The following NLGN1 variants were observed in gnomAD, a reference collection of about 807,000 sequenced individuals.
The protein encoded by NLGN1 is neuroligin-1.
In NLGN1, 12 loss-of-function variants were observed where a neutral mutation model predicts 65.5. The observed-to-expected ratio is 0.18, with a 90% CI of 0.12 to 0.30. The LOEUF is 0.30. NLGN1 is among the 10% of genes least tolerant of loss of function. The pLI is 1.00. For synonymous variants in NLGN1, 350 were observed against 359.5 expected, an observed-to-expected ratio of 0.97 and a Z score of 0.30; for missense variants, 750 against 1,007.1, an observed-to-expected ratio of 0.74 and a Z score of 3.46.
chr3:173,971,227 C>T (rs896496981), intron 4 of NLGN1, among the ~76,000 whole-genome samples: 4 of 151,978 alleles, frequency 2.6e-5, no homozygotes, highest in Non-Finnish European at 4.4e-5. Context: ...GAAAGATTTC[C>T]AGGAAATAAA....
intron 4 of NLGN1, among the ~76,000 whole-genome samples, chr3:174,197,233 T>C (rs898154127): frequency 2.0e-5 from 3 of 151,968 alleles, no homozygotes; most frequent in African/African-American, 7.3e-5. Context: ...TAAGGAGCAA[T>C]AGAAGACAAC....
intron 4 of NLGN1, among the ~76,000 whole-genome samples, chr3:174,193,862 A>G (rs1652743722): frequency 6.6e-6 from 1 of 152,192 alleles, no homozygotes; most frequent in Admixed American, 6.5e-5. Context: ...TTCATTACAA[A>G]TTCTTCTCTG....
chr3:173,623,566 G>A (rs563082352), intron 3 of NLGN1, among the ~76,000 whole-genome samples: 1 of 152,144 alleles, frequency 6.6e-6, no homozygotes, highest in South Asian at 2.1e-4. Context: ...CATTGAGATG[G>A]GAAAGAACAA....
intron 3 of NLGN1, among the ~76,000 whole-genome samples, chr3:173,732,611 T>C (rs1773029414): frequency 6.6e-6 from 1 of 152,062 alleles, no homozygotes; most frequent in African/African-American, 2.4e-5. Flanking sequence ...TTTATTTTAG[T>C]TTAGGTTAGT....
intron 2 of NLGN1, among the ~76,000 whole-genome samples, chr3:173,464,346 C>T (rs900558566): frequency 2.6e-5 from 4 of 152,104 alleles, no homozygotes; most frequent in African/African-American, 9.7e-5. Context: ...TACTACTTAA[C>T]TCCAAGTCTC....
intron 4 of NLGN1, among the ~76,000 whole-genome samples, chr3:174,098,922 A>T (rs1289059515): frequency 6.6e-6 from 1 of 152,234 alleles, no homozygotes; most frequent in African/African-American, 2.4e-5. Flanking sequence ...GAGCTTGTTT[A>T]TACATTTAAT....
intron 3 of NLGN1, among the ~76,000 whole-genome samples, chr3:173,761,174 A>C (rs900708749): frequency 5.9e-5 from 9 of 151,996 alleles, no homozygotes; most frequent in African/African-American, 2.2e-4. Context: ...GTTAGTGTGC[A>C]ATGACTTTCA....
chr3:173,499,404 A>G (rs1223215036), intron 2 of NLGN1, among the ~76,000 whole-genome samples: 1 of 151,622 alleles, frequency 6.6e-6, no homozygotes, highest in East Asian at 1.9e-4. Flanking sequence ...GTTCTGTTCC[A>G]TTGGTCTATA....
At chr3:173,453,278 T>C (rs1042938358) in intron 2 of NLGN1, among the ~76,000 whole-genome samples, 1 of 151,930 alleles carries the variant, frequency 6.6e-6, no homozygotes, top group African/African-American at 2.4e-5. Context: ...TGTGTGTGTT[T>C]TGTAGAGATG....
At chr3:174,064,361 ATAAT>A (rs758372079) in intron 4 of NLGN1, among the ~76,000 whole-genome samples, 8 of 152,098 alleles carry the variant, frequency 5.3e-5, no homozygotes, top group Non-Finnish European at 1.2e-4. Context: ...GAAAAGGAAA[ATAAT>A]TCGGAATATT....
In NLGN1 at chr3:174,201,556, G is replaced by A. The variant is rs957750612; in HGVS notation, c.647-73759G>A. Among the ~76,000 whole-genome samples, 57 of 152,306 alleles carry A rather than the reference G, an allele frequency of 3.7e-4. 1 individual carries two copies. Among genetic ancestry groups the A allele is most frequent in the East Asian group, 1.4e-3 (7 of 5,170 alleles). On this transcript the variant is annotated intron_variant, in intron 4 of 6. Coordinates refer to ENST00000457714, the Ensembl canonical transcript of NLGN1. Reference sequence around the variant, plus strand: ...CATCACCCCCTCTCAGCAATAGGCAGGTTACAAATTACAGCCTAGTGATCT... The same window carrying A: ...CATCACCCCCTCTCAGCAATAGGCAAGTTACAAATTACAGCCTAGTGATCT...
At chr3:173,423,989 C>T (rs1715625157) in intron 1 of NLGN1, among the ~76,000 whole-genome samples, 1 of 152,194 alleles carries the variant, frequency 6.6e-6, no homozygotes, top group Non-Finnish European at 1.5e-5. Flanking sequence ...GAAATCTAGG[C>T]AGAGGCTCCT....
At chr3:173,613,515 GT>G (rs1266449572) in intron 3 of NLGN1, among the ~76,000 whole-genome samples, 1 of 152,020 alleles carries the variant, frequency 6.6e-6, no homozygotes, top group Non-Finnish European at 1.5e-5. Context: ...AAATGATTCA[GT>G]TTTTTGATAT....
chr3:174,274,706 G>T (rs959178215), intron 4 of NLGN1, among the ~76,000 whole-genome samples: 2 of 151,708 alleles, frequency 1.3e-5, no homozygotes, highest in African/African-American at 4.8e-5. Context: ...CCTAAATGTG[G>T]CCTCAAGTCA....
intron 3 of NLGN1, among the ~76,000 whole-genome samples, chr3:173,749,032 G>A (rs553770990): frequency 3.3e-5 from 5 of 152,132 alleles, no homozygotes; most frequent in African/African-American, 1.2e-4. Context: ...TCAAATGCAT[G>A]CTTATGTCTC....
chr3:173,645,936 C>A (rs900909217), intron 3 of NLGN1, among the ~76,000 whole-genome samples: 14 of 152,162 alleles, frequency 9.2e-5, no homozygotes, highest in African/African-American at 2.7e-4. Flanking sequence ...ACAGTCTGAA[C>A]CCTGCCACAC....
rs908288260 is a variant in NLGN1, at chr3:173,644,564, G to C, written c.493+39473G>C. The C allele has an allele frequency of 6.0e-5, 10 of 165,482 alleles. 1 individual carries two copies. Among genetic ancestry groups the C allele is most frequent in the Admixed American group, 5.9e-4 (9 of 15,314 alleles). 10.3% of individuals were successfully genotyped at this position (165,482 alleles called of 1,614,324 possible). A position where few individuals can be genotyped will look rare whatever the true frequency, so the allele number is the denominator to read the frequency against. ...CTCCCAGTTCCATTTTGACTTCATG[G>C]GCCTATCACCCTGGAGTATGCTGTG... On this transcript the variant is annotated intron_variant, in intron 3 of 6. Coordinates refer to ENST00000457714, the Ensembl canonical transcript of NLGN1.
intron 4 of NLGN1, among the ~76,000 whole-genome samples, chr3:174,108,069 A>C (rs1464931643): frequency 6.6e-6 from 1 of 152,096 alleles, no homozygotes; most frequent in East Asian, 1.9e-4. Flanking sequence ...TGAAGTTTAC[A>C]GATTTTTCTT....
At chr3:173,872,715 T>C (rs1441417848) in intron 4 of NLGN1, among the ~76,000 whole-genome samples, 1 of 152,162 alleles carries the variant, frequency 6.6e-6, no homozygotes, top group Non-Finnish European at 1.5e-5. Flanking sequence ...GCCGACTTGC[T>C]TCAAGGATTT....
Sources: allele counts gnomAD v4.1 joint callset (sites outside exome capture counted in the v4.1 genomes callset), GRCh38; gene constraint gnomAD v4.1.1; transcripts MANE v1.5; gene names NCBI Gene and HGNC (gene_info 2026-07-23, HGNC 2026-07-21).